Variants in TOM1L2 observed in about 807,000 individuals in gnomAD.
The protein encoded by TOM1L2 is TOM1-like protein 2.
In TOM1L2, 31 loss-of-function variants were observed where a neutral mutation model predicts 67.9. That is an observed-to-expected ratio of 0.46 (90% CI 0.34 to 0.62). TOM1L2 has a LOEUF of 0.62. Ranked by LOEUF, TOM1L2 falls within the 20% of genes least tolerant of loss-of-function variation. The pLI, the probability that TOM1L2 is intolerant of heterozygous loss-of-function variation, is 0.01. For missense variants in TOM1L2, 606 were observed against 663.5 expected (o/e 0.91, Z 0.95); for synonymous variants, 256 against 254.0 (o/e 1.01, Z -0.07).
chr17:17,861,426 G>A lies in TOM1L2; in HGVS notation c.1278+50C>T, dbSNP rs1432580179. On this transcript the variant is annotated intron_variant, in intron 12 of 14. Coordinates refer to ENST00000379504, the MANE Select transcript of TOM1L2 (RefSeq NM_001082968.2). ...CCCAGCCAGCTTTGCCAAACCACCT[G>A]ACTTTCCCTCCAGAAGACTCCAGGC... The A allele has an allele frequency of 1.9e-6, 3 of 1,574,958 alleles. No homozygotes were observed. The Admixed American group carries it at 5.0e-5, about 26-fold the overall frequency.
chr17:17,848,145 C>A (rs1437695980), intron 14 of TOM1L2, among the ~76,000 whole-genome samples: 2 of 152,192 alleles, frequency 1.3e-5, no homozygotes, highest in East Asian at 1.9e-4. Flanking sequence ...CCACCTACCC[C>A]ACCCTTGCCC....
chr17:17,952,451 T>G (rs1347862792), intron 1 of TOM1L2, among the ~76,000 whole-genome samples: 1 of 145,366 alleles, frequency 6.9e-6, no homozygotes, highest in African/African-American at 2.5e-5. Flanking sequence ...AGTGCAGTGG[T>G]GTGATCTTAC....
rs1397260634 is a variant in TOM1L2 at position 17,912,277 on chromosome 17, CG to C, written c.53-4747del. Among the ~76,000 whole-genome samples the C allele has an allele frequency of 7.5e-4, 111 of 148,720 alleles. No individual in the cohort carries two copies. The Middle Eastern group carries it at 0.022, about 29-fold the overall frequency. ...CTCCCGGACGGGGCGGCTGGCCGGGCGGGGGGCTGACCCCCCCACCTCCCTC... is the reference window on the plus strand; with the variant it reads ...CTCCCGGACGGGGCGGCTGGCCGGGCGGGGGCTGACCCCCCCACCTCCCTC... On this transcript the variant is annotated intron_variant, in intron 1 of 14. Transcript: ENST00000379504.
At position 17,847,748 on chromosome 17, in the gene TOM1L2, C is replaced by T; in HGVS notation, c.1411G>A (p.Ala471Thr). The T allele has an allele frequency of 6.2e-7, 1 of 1,614,086 alleles. No individual in the cohort carries two copies. Residue 471 changes from alanine to threonine, a missense_variant, in exon 15 of 15, where the codon GCT becomes ACT. Transcript: ENST00000379504. ...GAGGGGAGGTCGGGAACCATTTCAG[C>T]AGCTTTGGCTCTTTCTTCAAGGAAT... ...DKFLEERAKAAEMVPDLPSPP... is the reference protein window; with the variant it reads ...DKFLEERAKATEMVPDLPSPP...
At chr17:17,866,182 ATG>A (rs933950311) in intron 10 of TOM1L2, 112 bp downstream of exon 10, 7 of 1,276,798 alleles carry the variant, frequency 5.5e-6, no homozygotes, top group Non-Finnish European at 7.4e-6. Context: ...ACACTTTCAC[ATG>A]TATTTCCCAA....
At chr17:17,952,376 C>CTTTTTTTT (rs60388742) in intron 1 of TOM1L2, among the ~76,000 whole-genome samples, 1,397 of 79,354 alleles carry the variant, frequency 0.018, 27 homozygotes, top group Non-Finnish European at 0.03. Flanking sequence ...TCTTTATTTT[C>CTTTTTTTT]TTTTTTTTTT....
intron 12 of TOM1L2, chr17:17,857,690 C>G: frequency 3.1e-6 from 4 of 1,292,758 alleles, no homozygotes; most frequent in Non-Finnish European, 4.3e-6. Context: ...CTCGGCAGGT[C>G]ACAAGAGGAA....
chr17:17,844,173 C>T lies in TOM1L2; in HGVS notation c.*3462G>A, dbSNP rs1278646885. The T allele has an allele frequency of 1.3e-5, 2 of 152,328 alleles. No homozygotes were observed. The highest frequency in any genetic ancestry group is 2.9e-5 in the Non-Finnish European group (2 of 68,118). The allele number at this position is 152,328 out of a possible 1,614,324, so 9.4% of individuals were successfully genotyped here. On this transcript the variant is annotated 3_prime_UTR_variant, in exon 15 of 15. Coordinates refer to ENST00000379504, the MANE Select transcript of TOM1L2 (RefSeq NM_001082968.2). The stretch of plus-strand genomic sequence containing the variant: ...GCTGCCCCAGGGGCTGGCCTGGCCC[C>T]AGGTGGGCCCATGGCCTACCCCAAG...
intron 2 of TOM1L2, among the ~76,000 whole-genome samples, chr17:17,903,567 C>T (rs928584701): frequency 1.3e-5 from 2 of 149,858 alleles, no homozygotes; most frequent in African/African-American, 4.9e-5. Context: ...GAGCCGAGAT[C>T]GCGCCACTGC....
chr17:17,850,791 A>T, intron 13 of TOM1L2, 102 bp downstream of exon 13: 1 of 1,286,142 alleles, frequency 7.8e-7, no homozygotes, highest in Non-Finnish European at 1.1e-6. Context: ...CCACTGACCC[A>T]GACAGGGGTG....
chr17:17,970,990 G>C (rs537178977), intron 1 of TOM1L2, among the ~76,000 whole-genome samples: 31 of 152,274 alleles, frequency 2.0e-4, no homozygotes, highest in African/African-American at 7.2e-4. Flanking sequence ...TGCTTTCTTA[G>C]TAAGGAAGTC....
At chr17:17,877,710 A>G (rs1302958536) in intron 7 of TOM1L2, among the ~76,000 whole-genome samples, 3 of 152,032 alleles carry the variant, frequency 2.0e-5, no homozygotes, top group Admixed American at 2.0e-4. Flanking sequence ...TGGCACCGAG[A>G]GTCATTCCTT....
At chr17:17,952,815 G>C (rs1349869341) in intron 1 of TOM1L2, among the ~76,000 whole-genome samples, 9 of 152,202 alleles carry the variant, frequency 5.9e-5, no homozygotes, top group Non-Finnish European at 1.3e-4. Flanking sequence ...GGCAGCCTCT[G>C]GGGTAGAGGA....
intron 12 of TOM1L2, among the ~76,000 whole-genome samples, chr17:17,852,083 T>C (rs1598174904): frequency 6.6e-6 from 1 of 150,708 alleles, no homozygotes; most frequent in Non-Finnish European, 1.5e-5. Context: ...CGGGGCTCAC[T>C]TGCAAGACCC....
At chr17:17,928,196 T>C (rs1282163479) in intron 1 of TOM1L2, among the ~76,000 whole-genome samples, 5 of 151,766 alleles carry the variant, frequency 3.3e-5, no homozygotes, top group African/African-American at 9.7e-5. Context: ...AAACCATTCA[T>C]AACTTTGACC....
At chr17:17,886,065 G>A (rs960957912) in intron 4 of TOM1L2, among the ~76,000 whole-genome samples, 5 of 152,028 alleles carry the variant, frequency 3.3e-5, no homozygotes, top group African/African-American at 7.3e-5. Flanking sequence ...AGGAGGCAGA[G>A]CCTCCTGTGC....
intron 1 of TOM1L2, among the ~76,000 whole-genome samples, chr17:17,937,817 G>T (rs2040569921): frequency 6.6e-6 from 1 of 152,162 alleles, no homozygotes; most frequent in African/African-American, 2.4e-5. Context: ...AGTGGAGGGG[G>T]GCATGTGGAA....
At chr17:17,935,060 C>G (rs1179597979) in intron 1 of TOM1L2, among the ~76,000 whole-genome samples, 1 of 152,212 alleles carries the variant, frequency 6.6e-6, no homozygotes, top group Non-Finnish European at 1.5e-5. Flanking sequence ...TGCACAAGAC[C>G]CCACAGCATA....
At chr17:17,878,130 T>C (rs1240195943) in intron 7 of TOM1L2, among the ~76,000 whole-genome samples, 2 of 152,260 alleles carry the variant, frequency 1.3e-5, no homozygotes, top group Non-Finnish European at 2.9e-5. Flanking sequence ...GGGTAACGCC[T>C]GGCCGAACCT....
Sources: allele counts gnomAD v4.1 joint callset (sites outside exome capture counted in the v4.1 genomes callset), GRCh38; gene constraint gnomAD v4.1.1; transcripts MANE v1.5; gene names NCBI Gene and HGNC (gene_info 2026-07-23, HGNC 2026-07-21).